The following GLRA2 variants were observed in gnomAD, a reference collection of about 807,000 sequenced individuals.
The protein encoded by GLRA2 is glycine receptor subunit alpha-2.
A neutral mutation model predicts 31.6 loss-of-function variants in GLRA2; 11 were observed. The ratio of observed to expected loss-of-function variants is 0.35; its 90% CI spans 0.22 to 0.58. The LOEUF (loss-of-function observed/expected upper bound fraction) is 0.58, where lower values mean the gene tolerates loss of function less well. Ranked by LOEUF, GLRA2 falls within the 20% of genes least tolerant of loss-of-function variation. The pLI is 0.84. For synonymous variants in GLRA2, 132 were observed against 134.0 expected, an observed-to-expected ratio of 0.99 and a Z score of 0.10; for missense variants, 212 against 351.8, an observed-to-expected ratio of 0.60 and a Z score of 3.18.
intron 7 of GLRA2, among the ~76,000 whole-genome samples, chrX:14,673,365 C>T (rs968700826): frequency 8.9e-6 from 1 of 112,092 alleles, no homozygotes; most frequent in African/African-American, 3.2e-5. Flanking sequence ...ACATATCTTA[C>T]CCACTGTTCA....
At chrX:14,706,950 C>T (rs1239790362) in intron 8 of GLRA2, among the ~76,000 whole-genome samples, 2 of 111,855 alleles carry the variant, frequency 1.8e-5, no homozygotes, top group African/African-American at 6.5e-5. Flanking sequence ...ACTGCCAGAC[C>T]TGAGACGCCT....
chrX:14,624,973 G>A (rs955728205), intron 7 of GLRA2, among the ~76,000 whole-genome samples: 1 of 111,269 alleles, frequency 9.0e-6, no homozygotes, highest in African/African-American at 3.3e-5. Flanking sequence ...CATTATTGTT[G>A]TATGGGAGTC....
chrX:14,532,394 G>A (rs369255763), intron 2 of GLRA2, 22 bp downstream of exon 2: 45 of 1,087,951 alleles, frequency 4.1e-5, no homozygotes, highest in East Asian at 1.9e-4. Flanking sequence ...TTAAACTTAC[G>A]TTAAGCCTTT....
At chrX:14,505,897 A>G in the GLRA2 span, among the ~76,000 whole-genome samples, 1 of 111,399 alleles carries the variant, frequency 9.0e-6, no homozygotes, top group African/African-American at 3.3e-5. Context: ...TGGCTCTGAA[A>G]AACACAGTTT....
chrX:14,717,755 A>C (rs974924879), intron 8 of GLRA2, among the ~76,000 whole-genome samples: 1 of 109,965 alleles, frequency 9.1e-6, no homozygotes, highest in Non-Finnish European at 1.9e-5. Context: ...AAAAAAAAAA[A>C]AACCCATCGG....
intron 4 of GLRA2, among the ~76,000 whole-genome samples, chrX:14,593,268 G>A (rs1294343584): frequency 1.3e-5 from 1 of 75,898 alleles, no homozygotes; most frequent in African/African-American, 3.5e-5. Flanking sequence ...CTTCTCGCTT[G>A]TGGTGTTTAA....
chrX:14,659,164 C>A (rs2090968511), intron 7 of GLRA2, among the ~76,000 whole-genome samples: 1 of 112,226 alleles, frequency 8.9e-6, no homozygotes, highest in African/African-American at 3.2e-5. Context: ...CACACTCATT[C>A]ATTTACATAC....
chrX:14,477,017 C>G, the GLRA2 span, among the ~76,000 whole-genome samples: 2 of 111,829 alleles, frequency 1.8e-5, no homozygotes, highest in African/African-American at 6.5e-5. Flanking sequence ...ATAGGGGACT[C>G]ATCCCTATAC....
chrX:14,589,808 T>G (rs1178566365), intron 4 of GLRA2, among the ~76,000 whole-genome samples: 1 of 108,881 alleles, frequency 9.2e-6, no homozygotes, highest in Non-Finnish European at 1.9e-5. Context: ...TTAGGTTATT[T>G]AAGCTATTTT....
intron 2 of GLRA2, among the ~76,000 whole-genome samples, chrX:14,556,940 G>A (rs1159439919): frequency 1.8e-5 from 2 of 110,601 alleles, no homozygotes. Flanking sequence ...GACACATAAT[G>A]GGTACTCAAT....
At chrX:14,623,957 C>T (rs192288590) in intron 7 of GLRA2, among the ~76,000 whole-genome samples, 1,224 of 111,430 alleles carry the variant, frequency 0.011, 12 homozygotes, top group African/African-American at 0.037. Context: ...TGGTAGAATT[C>T]GGCTGTGAAT....
At chrX:14,620,170 A>G (rs79258366) in intron 7 of GLRA2, among the ~76,000 whole-genome samples, 1 of 110,347 alleles carries the variant, frequency 9.1e-6, no homozygotes, top group East Asian at 2.8e-4. Context: ...AATCAAAGAT[A>G]TAATAATAAA....
At chrX:14,561,383 C>G (rs991962134) in intron 2 of GLRA2, among the ~76,000 whole-genome samples, 2 of 112,302 alleles carry the variant, frequency 1.8e-5, no homozygotes, top group Non-Finnish European at 3.8e-5. Flanking sequence ...AGGAGCAGGG[C>G]CAGGCAAAGT....
intron 2 of GLRA2, among the ~76,000 whole-genome samples, chrX:14,537,675 G>A (rs1314266074): frequency 9.0e-6 from 1 of 111,086 alleles, no homozygotes; most frequent in Non-Finnish European, 1.9e-5. Context: ...TGATGGAAAT[G>A]ACAGTAAGCC....
Position 14,730,907 on chromosome X carries a change from C to T in GLRA2, c.*422C>T, listed in dbSNP as rs1248950253. 3 of 60,274 alleles carry T rather than the reference C, an allele frequency of 5.0e-5. No individual in the cohort carries two copies. The highest frequency in any genetic ancestry group is 3.7e-4 in the East Asian group (1 of 2,734). The allele number at this position is 60,274 out of a possible 1,213,427, so 5.0% of individuals were successfully genotyped here. A position where few individuals can be genotyped will look rare whatever the true frequency, so the allele number is the denominator to read the frequency against. Reference sequence around the variant, plus strand: ...AGTTAGCTATACACACACACACACACACACACACACACACACACACACACA... The same window carrying T: ...AGTTAGCTATACACACACACACACATACACACACACACACACACACACACA... On this transcript the variant is annotated 3_prime_UTR_variant, in exon 9 of 9. Transcript: ENST00000218075.
At chrX:14,655,349 C>G (rs902384240) in intron 7 of GLRA2, among the ~76,000 whole-genome samples, 10 of 111,209 alleles carry the variant, frequency 9.0e-5, no homozygotes, top group African/African-American at 2.6e-4. Context: ...AGCTGGGTGT[C>G]TGCCAAGGTT....
At chrX:14,582,825 C>T (rs1237296826) in intron 4 of GLRA2, among the ~76,000 whole-genome samples, 1 of 111,980 alleles carries the variant, frequency 8.9e-6, no homozygotes, top group East Asian at 2.8e-4. Context: ...AACTACTCAA[C>T]TCTATCATTA....
At chrX:14,691,555 T>G (rs1264080324) in intron 8 of GLRA2, among the ~76,000 whole-genome samples, 1 of 111,374 alleles carries the variant, frequency 9.0e-6, no homozygotes, top group African/African-American at 3.3e-5. Context: ...GTTCCCAAAC[T>G]TGCCTGCACA....
intron 7 of GLRA2, among the ~76,000 whole-genome samples, chrX:14,658,190 C>T (rs776287808): frequency 9.0e-6 from 1 of 111,251 alleles, no homozygotes; most frequent in Non-Finnish European, 1.9e-5. Context: ...TCTTACCTGC[C>T]CCTCATCAGG....
Sources: gnomAD v4.1 joint callset for allele counts (sites outside exome capture counted in the v4.1 genomes callset) on GRCh38, gnomAD v4.1.1 for gene constraint, MANE v1.5 for transcripts, NCBI Gene and HGNC (gene_info 2026-07-23, HGNC 2026-07-21) for gene names.